KCNS3: variants seen among roughly 807,000 people sequenced by gnomAD.
KCNS3 encodes the protein potassium voltage-gated channel modifier subfamily S member 3, also known as delayed-rectifier potassium channel regulatory subunit KCNS3.
KCNS3 carries 13 observed loss-of-function variants against 31.0 expected under a neutral mutation model. The observed-to-expected ratio is 0.42, with a 90% CI of 0.27 to 0.67. KCNS3 has a LOEUF of 0.67. Among genes scored for constraint, KCNS3 ranks in the 30% least tolerant of loss-of-function variants. KCNS3 has a pLI of 0.25. For synonymous variants in KCNS3, 238 were observed against 241.5 expected (o/e 0.99, Z 0.13); for missense variants, 545 against 622.4 (o/e 0.88, Z 1.32).
At position 17,931,641 on chromosome 2, in the gene KCNS3, G is replaced by A. The variant is rs2125256362; in HGVS notation, c.633G>A (p.Gln211=). ...GCGTTCACAGCATGTCGGAGTTCCA[G>A]AATGAGGATGGAGAAGTGGATGATC... ...AMCVHSMSEF[Q]NEDGEVDDPV... The change falls in exon 3 of 3, where the codon CAG becomes CAA. Residue 211 remains glutamine (Q), a synonymous_variant. Coordinates refer to ENST00000304101, the MANE Select transcript of KCNS3 (RefSeq NM_002252.5). This position sits in a 1 kb window ranked among gnomAD's most constrained non-coding sequence, Gnocchi z 5.4. 1 of 1,614,218 alleles carries A rather than the reference G, an allele frequency of 6.2e-7. No individual in the cohort carries two copies. The highest frequency in any genetic ancestry group is 1.6e-4 in the Middle Eastern group (1 of 6,062).
intron 1 of KCNS3, among the ~76,000 whole-genome samples, chr2:17,887,943 CAT>C (rs1661721000): frequency 6.6e-6 from 1 of 152,020 alleles, no homozygotes; most frequent in African/African-American, 2.4e-5. Context: ...TGCATTTTTT[CAT>C]ATGTTTGTTG....
intron 2 of KCNS3, among the ~76,000 whole-genome samples, chr2:17,927,272 C>T (rs1290908127): frequency 1.3e-5 from 2 of 152,180 alleles, no homozygotes; most frequent in African/African-American, 4.8e-5. Context: ...AGCATTTTGG[C>T]CAAAACCACT....
intron 1 of KCNS3, among the ~76,000 whole-genome samples, chr2:17,915,611 C>T (rs1662571657): frequency 6.6e-6 from 1 of 152,068 alleles, no homozygotes; most frequent in African/African-American, 2.4e-5. Flanking sequence ...CCTCAATGTC[C>T]CCCATATAAA....
In KCNS3 at chr2:17,904,400, T is replaced by C. The variant is rs567567828; in HGVS notation, c.-251-13280T>C. ...GTAGATTGCAAAAATGTTCTCCCAT[T>C]CTGTAGGTTGCCTGTTCACTCTGAT... On this transcript the variant is annotated intron_variant, in intron 1 of 2. Transcript: ENST00000304101. 7.3e-3 allele frequency among the ~76,000 whole-genome samples: 1,118 copies of C among 152,316 alleles called. 11 individuals carry two copies. The highest frequency in any genetic ancestry group is 0.025 in the African/African-American group (1,056 of 41,570).
chr2:17,888,627 A>AG (rs35481319), intron 1 of KCNS3, among the ~76,000 whole-genome samples: 2,509 of 56,500 alleles, frequency 0.044, 47 homozygotes, highest in Non-Finnish European at 0.06. Flanking sequence ...AATAAAAAAA[A>AG]TGTATATATA....
At chr2:17,923,739 C>T (rs1398394886) in intron 2 of KCNS3, among the ~76,000 whole-genome samples, 2 of 151,604 alleles carry the variant, frequency 1.3e-5, no homozygotes, top group Non-Finnish European at 2.9e-5. Context: ...CTCTTCTTAC[C>T]CCTGTTGAAT....
intron 1 of KCNS3, among the ~76,000 whole-genome samples, chr2:17,904,499 A>G (rs1232882937): frequency 6.6e-6 from 1 of 151,976 alleles, no homozygotes; most frequent in South Asian, 2.1e-4. Flanking sequence ...TTTTGTTGCC[A>G]TTGCTTTTGG....
At chr2:17,926,393 A>G (rs986463250) in intron 2 of KCNS3, among the ~76,000 whole-genome samples, 21 of 152,340 alleles carry the variant, frequency 1.4e-4, no homozygotes, top group South Asian at 1.2e-3. Context: ...CAGTGCCCCA[A>G]TGGGGACTCT....
Position 17,888,637 on chromosome 2 carries a change from A to ATCTATATATATC in KCNS3, c.-252+9832_-252+9833insCTATATATATCT, listed in dbSNP as rs1558446968. ...AGTATAATAAAAAAAATGTATATAT[A>ATCTATATATATC]TATATATATATATATATATATATAT... On this transcript the variant is annotated intron_variant, in intron 1 of 2. Coordinates refer to ENST00000304101, the MANE Select transcript of KCNS3 (RefSeq NM_002252.5). Among the ~76,000 whole-genome samples the ATCTATATATATC allele has an allele frequency of 4.2e-5, 3 of 70,748 alleles. No individual in the cohort carries two copies. The East Asian group carries it at 8.1e-4, about 19-fold the overall frequency. 46.4% of individuals were successfully genotyped at this position (70,748 alleles called of 152,430 possible). A position where few individuals can be genotyped will look rare whatever the true frequency, so the allele number is the denominator to read the frequency against.
rs1009282872 is a variant in KCNS3, at chr2:17,930,770, G to T, written c.-59-180G>T. On this transcript the variant is annotated intron_variant, in intron 2 of 2. Transcript: ENST00000304101. ...GGTTCCCAAAATCCTAAGTTTTTTT[G>T]GGAAAAATCTGTTTTGTGTTGATTT... is the stretch of plus-strand genomic sequence containing the variant. 9.9e-5 allele frequency among the ~76,000 whole-genome samples: 15 copies of T among 152,052 alleles called. No individual in the cohort carries two copies. The South Asian group carries it at 1.9e-3, about 19-fold the overall frequency.
chr2:17,921,432 T>C lies in KCNS3; in HGVS notation c.-60+3561T>C, dbSNP rs149701747. ...GGGTTTTCTTTTAAGAACATAATTA[T>C]ATTACTATTGGGACACTGAAAAATT... is the stretch of plus-strand genomic sequence containing the variant. On this transcript the variant is annotated intron_variant, in intron 2 of 2. Coordinates refer to ENST00000304101, the MANE Select transcript of KCNS3 (RefSeq NM_002252.5). Among the ~76,000 whole-genome samples the C allele has an allele frequency of 7.2e-5, 11 of 152,318 alleles. 1 individual carries two copies. In the East Asian group the frequency reaches 2.1e-3, roughly 29 times the overall value.
chr2:17,914,348 A>G (rs1179623939), intron 1 of KCNS3, among the ~76,000 whole-genome samples: 3 of 152,174 alleles, frequency 2.0e-5, no homozygotes, highest in Non-Finnish European at 1.5e-5. Context: ...AGTCAGAACA[A>G]AGGGAAGTCT....
chr2:17,885,318 G>A (rs1419085767), intron 1 of KCNS3, among the ~76,000 whole-genome samples: 4 of 152,244 alleles, frequency 2.6e-5, no homozygotes, highest in African/African-American at 7.2e-5. Flanking sequence ...TGCATGAGAC[G>A]CTTCCTCTGT....
At chr2:17,899,842 A>T (rs1662126483) in intron 1 of KCNS3, among the ~76,000 whole-genome samples, 2 of 152,252 alleles carry the variant, frequency 1.3e-5, no homozygotes, top group African/African-American at 4.8e-5. Context: ...GATGTTTTGT[A>T]GCTCTTCACA....
intron 1 of KCNS3, among the ~76,000 whole-genome samples, chr2:17,902,161 A>T (rs1450030520): frequency 2.0e-5 from 3 of 152,244 alleles, no homozygotes; most frequent in Non-Finnish European, 4.4e-5. Context: ...CTATGGACAG[A>T]TGCAGATATG....
At chr2:17,886,102 C>T (rs1049606784) in intron 1 of KCNS3, among the ~76,000 whole-genome samples, 2 of 152,164 alleles carry the variant, frequency 1.3e-5, no homozygotes, top group Non-Finnish European at 2.9e-5. Flanking sequence ...TCATTTGCTG[C>T]CTCTGGACTT....
chr2:17,927,634 T>C (rs1342730269), intron 2 of KCNS3, among the ~76,000 whole-genome samples: 2 of 152,144 alleles, frequency 1.3e-5, no homozygotes, highest in Non-Finnish European at 2.9e-5. Context: ...GAAGAGCCCC[T>C]AATAAAACCA....
intron 1 of KCNS3, among the ~76,000 whole-genome samples, chr2:17,902,863 G>A (rs1040418207): frequency 6.6e-6 from 1 of 152,112 alleles, no homozygotes; most frequent in Non-Finnish European, 1.5e-5. Context: ...TTGATTTTAT[G>A]CCACATCCCC....
At chr2:17,914,827 C>T (rs1241645631) in intron 1 of KCNS3, among the ~76,000 whole-genome samples, 3 of 152,180 alleles carry the variant, frequency 2.0e-5, no homozygotes, top group African/African-American at 7.2e-5. Context: ...ACCTACGGTG[C>T]ACTGTCACTT....
Sources: allele counts gnomAD v4.1 joint callset (sites outside exome capture counted in the v4.1 genomes callset), GRCh38; gene constraint gnomAD v4.1.1; non-coding constraint Gnocchi (gnomAD v3.1); transcripts MANE v1.5; gene names NCBI Gene and HGNC (gene_info 2026-07-23, HGNC 2026-07-21).